Variants in NFATC2IP observed in about 807,000 individuals in gnomAD.
The protein encoded by NFATC2IP is NFATC2-interacting protein.
NFATC2IP carries 25 observed loss-of-function variants against 40.2 expected under a neutral mutation model. The observed-to-expected ratio is 0.62, with a 90% CI of 0.45 to 0.87. NFATC2IP has a LOEUF of 0.87. Among genes scored for constraint, NFATC2IP ranks in the 40% least tolerant of loss-of-function variants. NFATC2IP has a pLI of 0.00. For synonymous variants in NFATC2IP, 241 were observed against 236.3 expected, an observed-to-expected ratio of 1.02 and a Z score of -0.18; for missense variants, 553 against 555.6, an observed-to-expected ratio of 1.00 and a Z score of 0.05.
rs1028364430 is a variant in NFATC2IP, at chr16:28,951,217, A to C, written c.206A>C (p.Asp69Ala). Residue 69 changes from aspartate to alanine, a missense_variant, in exon 1 of 8, where the codon GAC becomes GCC. Coordinates refer to ENST00000320805, the MANE Select transcript of NFATC2IP (RefSeq NM_032815.4). ...LEVATARGAA[D>A]EVEVEPPEPP... is the part of the protein sequence containing the mutation. ...GTCGCCACCGCTCGCGGTGCCGCGGACGAGGTTGAGGTGGAGCCCCCGGAG... is the reference window on the plus strand; with the variant it reads ...GTCGCCACCGCTCGCGGTGCCGCGGCCGAGGTTGAGGTGGAGCCCCCGGAG... 8 of 1,534,448 alleles carry C rather than the reference A, an allele frequency of 5.2e-6. No individual in the cohort carries two copies. The highest frequency in any genetic ancestry group is 7.0e-6 in the Non-Finnish European group (8 of 1,138,000).
rs897278959 is a variant in NFATC2IP, at chr16:28,952,386, A to C, written c.460+182A>C. 14 of 967,200 alleles carry C rather than the reference A, an allele frequency of 1.4e-5. No individual in the cohort carries two copies. The African/African-American group carries it at 2.3e-4, about 16-fold the overall frequency. The allele number at this position is 967,200 out of a possible 1,614,324, so 59.9% of individuals were successfully genotyped here. On this transcript the variant is annotated intron_variant, in intron 2 of 7. Coordinates refer to ENST00000320805, the MANE Select transcript of NFATC2IP (RefSeq NM_032815.4). ...ACAAGCATAGAATGTATTAATGTAT[A>C]CATTTCTGGTGCCACCTGAAGAGAT...
rs1450819108 is a variant in NFATC2IP, at chr16:28,951,202, C to T, written c.191C>T (p.Ala64Val). The change falls in exon 1 of 8, where the codon GCT becomes GTT. Residue 64 changes from alanine (A) to valine (V), a missense_variant. Ala to Val is a moderately conservative substitution (Grantham distance 64, BLOSUM62 0). Transcript: ENST00000320805. ...GAGGAAATTCTGGAGGTCGCCACCGCTCGCGGTGCCGCGGACGAGGTTGAG... is the reference window on the plus strand; with the variant it reads ...GAGGAAATTCTGGAGGTCGCCACCGTTCGCGGTGCCGCGGACGAGGTTGAG... ...SDEEILEVAT[A>V]RGAADEVEVE... 1.3e-6 allele frequency: 2 copies of T among 1,537,560 alleles called. No individual in the cohort carries two copies. Among genetic ancestry groups the T allele is most frequent in the Middle Eastern group, 1.7e-4 (1 of 5,950 alleles).
At chr16:28,960,607 G>A (rs1432493616) in intron 7 of NFATC2IP, among the ~76,000 whole-genome samples, 1 of 152,074 alleles carries the variant, frequency 6.6e-6, no homozygotes, top group Non-Finnish European at 1.5e-5. Flanking sequence ...TACAGTGATG[G>A]GACAGACATA....
At position 28,963,883 on chromosome 16, in the gene NFATC2IP, C is replaced by T. The variant is rs765181361; in HGVS notation, c.*20C>T. Reference sequence around the variant, plus strand: ...GGCTGACACCCCACTCCCTGTTTGACGGCCCAGCCTGGACTTGGGGAGAAT... The same window carrying T: ...GGCTGACACCCCACTCCCTGTTTGATGGCCCAGCCTGGACTTGGGGAGAAT... On this transcript the variant is annotated 3_prime_UTR_variant, in exon 8 of 8. Transcript: ENST00000320805. 5.1e-5 allele frequency: 82 copies of T among 1,612,450 alleles called. No individual in the cohort carries two copies. The highest frequency in any genetic ancestry group is 1.1e-4 in the South Asian group (10 of 91,020).
chr16:28,960,985 G>A (rs529938993), intron 7 of NFATC2IP, among the ~76,000 whole-genome samples: 1 of 152,096 alleles, frequency 6.6e-6, no homozygotes, highest in South Asian at 2.1e-4. Flanking sequence ...ATTTCTACCA[G>A]CAGTCTCTTC....
intron 3 of NFATC2IP, among the ~76,000 whole-genome samples, chr16:28,954,897 T>C: frequency 6.6e-6 from 1 of 152,056 alleles, no homozygotes; most frequent in East Asian, 1.9e-4. Context: ...TGGGAGTGGA[T>C]TCTGAGACCC....
rs1483557185 is a variant in NFATC2IP, at chr16:28,963,936, C to T, written c.*73C>T. On this transcript the variant is annotated 3_prime_UTR_variant, in exon 8 of 8. Coordinates refer to ENST00000320805, the MANE Select transcript of NFATC2IP (RefSeq NM_032815.4). The stretch of plus-strand genomic sequence containing the variant: ...CTTTCCCTTTTTTGCCCCATAAGGG[C>T]TAGCATAAGCTGAGGTAGAACTTAT... 7.3e-7 allele frequency: 1 copy of T among 1,377,446 alleles called. No homozygotes were observed. Among genetic ancestry groups the T allele is most frequent in the African/African-American group, 1.4e-5 (1 of 69,682 alleles). 85.3% of individuals were successfully genotyped at this position (1,377,446 alleles called of 1,614,324 possible).
At chr16:28,960,039 A>C (rs1385996214) in intron 7 of NFATC2IP, among the ~76,000 whole-genome samples, 1 of 152,096 alleles carries the variant, frequency 6.6e-6, no homozygotes, top group Non-Finnish European at 1.5e-5. Context: ...ACCTCTTTCT[A>C]GCTTCTGCTG....
intron 7 of NFATC2IP, 121 bp from the exon 8 acceptor site, chr16:28,963,583 GC>G: frequency 1.2e-6 from 1 of 800,782 alleles, no homozygotes; most frequent in Non-Finnish European, 2.0e-6. Context: ...CCCGCATGGG[GC>G]CCTGACTTTA....
chr16:28,963,563 C>T, intron 7 of NFATC2IP, 142 bp from the exon 8 acceptor site: 2 of 672,368 alleles, frequency 3.0e-6, no homozygotes, highest in South Asian at 3.9e-5. Context: ...TCTTTGTCCT[C>T]TCTCCTTTCC....
chr16:28,952,135 A>G lies in NFATC2IP; in HGVS notation c.391A>G (p.Lys131Glu). 2 of 1,613,946 alleles carry G rather than the reference A, an allele frequency of 1.2e-6. No individual in the cohort carries two copies. Among genetic ancestry groups the G allele is most frequent in the East Asian group, 2.2e-5 (1 of 44,874 alleles). The part of the protein sequence containing the change: ...PLVPVYSGKV[K>E]SSLRLIPDDL... ...TCTCCCTTCTTTGTCTTTGCAGGTT[A>G]AAAGCAGCCTTCGCCTTATCCCAGA... Residue 131 changes from lysine to glutamate, a missense_variant, in exon 2 of 8, where the codon AAA becomes GAA. Physicochemically the swap from Lys to Glu is moderately conservative, Grantham distance 56 (BLOSUM62 1). Transcript: ENST00000320805.
chr16:28,958,151 A>T (rs1965041923), intron 5 of NFATC2IP, among the ~76,000 whole-genome samples: 1 of 151,698 alleles, frequency 6.6e-6, no homozygotes. Flanking sequence ...GGCTTCTCTT[A>T]AAAAATAAGA....
Position 28,966,138 on chromosome 16 carries a change from TAG to T in NFATC2IP, c.*2278_*2279del, listed in dbSNP as rs1965143417. On this transcript the variant is annotated 3_prime_UTR_variant, in exon 8 of 8. Coordinates refer to ENST00000320805, the MANE Select transcript of NFATC2IP (RefSeq NM_032815.4). ...GGTTGCTTTTTGATTGCTTATTTAA[TAG>T]AGTTGTTAAGATATTTTACATCTTC... 1 of 152,200 alleles carries T rather than the reference TAG, an allele frequency of 6.6e-6. No individual in the cohort carries two copies. Among genetic ancestry groups the T allele is most frequent in the Admixed American group, 6.6e-5 (1 of 15,264 alleles). 9.4% of individuals were successfully genotyped at this position (152,200 alleles called of 1,614,324 possible). A position where few individuals can be genotyped will look rare whatever the true frequency, so the allele number is the denominator to read the frequency against.
intron 7 of NFATC2IP, among the ~76,000 whole-genome samples, chr16:28,959,831 G>A (rs189604466): frequency 1.7e-3 from 257 of 152,274 alleles, no homozygotes; most frequent in African/African-American, 5.8e-3. Flanking sequence ...GCCTCCCAAA[G>A]TGTTGGGATT....
intron 1 of NFATC2IP, 126 bp from the exon 2 acceptor site, chr16:28,952,006 G>A: frequency 1.6e-6 from 2 of 1,276,222 alleles, no homozygotes; most frequent in South Asian, 1.4e-5. Flanking sequence ...GCCAGGAGAG[G>A]GCCAAGGTGT....
At chr16:28,952,020 C>T (rs1964971944) in intron 1 of NFATC2IP, 112 bp from the exon 2 acceptor site, 2 of 1,455,464 alleles carry the variant, frequency 1.4e-6, no homozygotes, top group Non-Finnish European at 1.9e-6. Flanking sequence ...AAGGTGTCCA[C>T]GATCTTAGGG....
In NFATC2IP at chr16:28,959,069, A is replaced by G. The variant is rs772003330; in HGVS notation, c.1070A>G (p.Lys357Arg). ...CAGCTCCGGGTGCAGGGAAAGGAGA[A>G]ACACCAGACACTGGAAGTCTCACTG... Reference protein sequence around the residue: ...QLQLRVQGKEKHQTLEVSLSR... With the variant: ...QLQLRVQGKERHQTLEVSLSR... Residue 357 changes from lysine to arginine, a missense_variant, in exon 7 of 8, where the codon AAA (lysine) becomes AGA (arginine). By Grantham distance (26) the Lys-to-Arg change is conservative. Transcript: ENST00000320805. 1 of 1,613,524 alleles carries G rather than the reference A, an allele frequency of 6.2e-7. No individual in the cohort carries two copies. The highest frequency in any genetic ancestry group is 2.2e-5 in the East Asian group (1 of 44,868).
Position 28,952,175 on chromosome 16 carries a change from T to C in NFATC2IP, c.431T>C (p.Leu144Pro). The C allele has an allele frequency of 6.2e-7, 1 of 1,613,698 alleles. No homozygotes were observed. Among genetic ancestry groups the C allele is most frequent in the South Asian group, 1.1e-5 (1 of 91,062 alleles). ...CTTATCCCAGATGATCTATCCCTCC[T>C]GAAACTCTACCCTCCAGGGGATGAG... ...LRLIPDDLSL[L>P]KLYPPGDEEE... is the part of the protein sequence containing the mutation. The change falls in exon 2 of 8, where the codon CTG (leucine) becomes CCG (proline). Residue 144 changes from leucine to proline, a missense_variant. By Grantham distance (98) the Leu-to-Pro change is moderately conservative. Transcript: ENST00000320805.
At chr16:28,953,546 A>T (rs946569563) in intron 2 of NFATC2IP, among the ~76,000 whole-genome samples, 5 of 152,186 alleles carry the variant, frequency 3.3e-5, no homozygotes, top group African/African-American at 1.2e-4. Context: ...CAGAAGTGCT[A>T]CGTAAAAGGT....
Sources: allele counts gnomAD v4.1 joint callset (sites outside exome capture counted in the v4.1 genomes callset), GRCh38; gene constraint gnomAD v4.1.1; transcripts MANE v1.5; gene names NCBI Gene and HGNC (gene_info 2026-07-23, HGNC 2026-07-21).